The following INTS7 variants were observed in gnomAD, a reference collection of about 807,000 sequenced individuals.
The protein encoded by INTS7 is integrator complex subunit 7.
A neutral mutation model predicts 109.2 loss-of-function variants in INTS7; 46 were observed. The ratio of observed to expected loss-of-function variants is 0.42; its 90% CI spans 0.33 to 0.54. The LOEUF is 0.54. Ranked by LOEUF, INTS7 falls within the 20% of genes least tolerant of loss-of-function variation. The pLI is 0.07. For synonymous variants in INTS7, 412 were observed against 402.9 expected, an observed-to-expected ratio of 1.02 and a Z score of -0.27; for missense variants, 929 against 1,132.4, an observed-to-expected ratio of 0.82 and a Z score of 2.58.
intron 8 of INTS7, among the ~76,000 whole-genome samples, chr1:211,987,650 C>CAA (rs571207556): frequency 1.4e-5 from 2 of 144,116 alleles, no homozygotes; most frequent in Non-Finnish European, 3.1e-5. Flanking sequence ...ACATATAATT[C>CAA]AAAAAAAAAA....
At chr1:212,020,718 T>A in intron 2 of INTS7, 1 of 1,015,066 alleles carries the variant, frequency 9.9e-7, no homozygotes, top group African/African-American at 1.7e-5. Flanking sequence ...ATTCAGTGCT[T>A]ACATGTTTCA....
intron 7 of INTS7, among the ~76,000 whole-genome samples, chr1:211,994,302 C>G (rs561435247): frequency 6.6e-6 from 1 of 152,178 alleles, no homozygotes; most frequent in South Asian, 2.1e-4. Context: ...GAATTGTTTT[C>G]CCCTGCTGTA....
Position 211,977,061 on chromosome 1 carries a change from G to T in INTS7, c.1471-342C>A, listed in dbSNP as rs527942027. On this transcript the variant is annotated intron_variant, in intron 11 of 19. Coordinates refer to ENST00000366994, the MANE Select transcript of INTS7 (RefSeq NM_015434.4). ...ACGCAAAAATATGCAAAATGCAAAA[G>T]ATTACAAGTAGTATGATAAAGTTTA... 9.6e-4 allele frequency among the ~76,000 whole-genome samples: 146 copies of T among 152,058 alleles called. 8 individuals carry two copies. The highest frequency in any genetic ancestry group is 5.1e-4 in the Non-Finnish European group (35 of 68,004).
intron 7 of INTS7, among the ~76,000 whole-genome samples, chr1:212,000,802 A>G (rs927688272): frequency 5.3e-5 from 8 of 152,212 alleles, no homozygotes; most frequent in African/African-American, 1.9e-4. Context: ...ACTTTTTACC[A>G]TAATACCTAC....
chr1:211,981,516 C>G (rs541297380), intron 9 of INTS7, among the ~76,000 whole-genome samples: 7 of 152,158 alleles, frequency 4.6e-5, no homozygotes, highest in Non-Finnish European at 8.8e-5. Context: ...ATACTAAGAA[C>G]AGCAAACTAT....
intron 19 of INTS7, among the ~76,000 whole-genome samples, chr1:211,943,025 G>A (rs888350671): frequency 1.8e-4 from 28 of 152,168 alleles, no homozygotes; most frequent in Admixed American, 5.2e-4. Context: ...ACCTGTAATA[G>A]TAATGAACTG....
intron 1 of INTS7, among the ~76,000 whole-genome samples, chr1:212,022,210 T>C (rs1305907900): frequency 1.3e-5 from 2 of 152,216 alleles, no homozygotes. Flanking sequence ...TTATAAACTA[T>C]GTAGAAGAAG....
Position 212,016,971 on chromosome 1 carries a change from T to C in INTS7, c.424A>G (p.Ser142Gly). The C allele has an allele frequency of 6.2e-7, 1 of 1,602,618 alleles. No homozygotes were observed. Among genetic ancestry groups the C allele is most frequent in the East Asian group, 2.3e-5 (1 of 43,876 alleles). The change falls in exon 4 of 20, where the codon AGT (serine) becomes GGT (glycine). Residue 142 changes from serine to glycine, a missense_variant. This residue lies in a region of INTS7 where 142 missense variants were observed against 231.4 expected (regional missense o/e 0.61). Transcript: ENST00000366994. ...IIPERKNAHH[S>G]IRQSLDSHDN... ...TGTGAATCTAAACTCTGACGAATAC[T>C]ATGATGAGCATTCTTCCTCTCAGGA...
At chr1:212,033,712 A>G (rs1002732091) in intron 1 of INTS7, among the ~76,000 whole-genome samples, 2 of 152,196 alleles carry the variant, frequency 1.3e-5, no homozygotes, top group Non-Finnish European at 2.9e-5. Flanking sequence ...TAGGGATATT[A>G]GATATTATCC....
At chr1:211,957,113 T>C (rs1663399234) in intron 16 of INTS7, among the ~76,000 whole-genome samples, 1 of 152,228 alleles carries the variant, frequency 6.6e-6, no homozygotes, top group Admixed American at 6.5e-5. Flanking sequence ...TTTAATCTTA[T>C]CTGTTCTAGT....
At chr1:212,020,831 AC>A (rs1666658869) in intron 2 of INTS7, 3 of 673,858 alleles carry the variant, frequency 4.5e-6, no homozygotes, top group African/African-American at 1.9e-5. Context: ...TTCCTGAAGT[AC>A]ACAGTAAAAT....
At chr1:211,999,326 T>C (rs1280251314) in intron 7 of INTS7, among the ~76,000 whole-genome samples, 1 of 152,110 alleles carries the variant, frequency 6.6e-6, no homozygotes, top group Non-Finnish European at 1.5e-5. Flanking sequence ...CATGGATAAA[T>C]ATTAAAAGTA....
At chr1:211,968,359 C>G (rs1338077613) in intron 14 of INTS7, among the ~76,000 whole-genome samples, 154 bp downstream of exon 14, 1 of 152,202 alleles carries the variant, frequency 6.6e-6, no homozygotes, top group Non-Finnish European at 1.5e-5. Context: ...TCTAATAACA[C>G]ATCAGCCTAT....
chr1:212,021,672 T>C (rs1571914506), intron 1 of INTS7, among the ~76,000 whole-genome samples: 2 of 141,460 alleles, frequency 1.4e-5, no homozygotes, highest in African/African-American at 2.7e-5. Context: ...CAGTCAGACC[T>C]CATCTCTTAA....
intron 8 of INTS7, among the ~76,000 whole-genome samples, chr1:211,984,710 C>T (rs1007053164): frequency 7.9e-5 from 12 of 152,154 alleles, no homozygotes; most frequent in African/African-American, 2.7e-4. Flanking sequence ...TTTCCTCCCC[C>T]ACCCAATGTT....
At chr1:212,028,669 C>T (rs1194524311) in intron 1 of INTS7, among the ~76,000 whole-genome samples, 6 of 151,996 alleles carry the variant, frequency 3.9e-5, no homozygotes, top group Non-Finnish European at 8.8e-5. Flanking sequence ...GGTGAAATAC[C>T]GAGGTCTGAA....
At chr1:211,961,192 C>A (rs977284465) in intron 16 of INTS7, among the ~76,000 whole-genome samples, 1 of 151,862 alleles carries the variant, frequency 6.6e-6, no homozygotes, top group Non-Finnish European at 1.5e-5. Flanking sequence ...ACTTCCCCAA[C>A]CTAGAAAAAG....
intron 19 of INTS7, among the ~76,000 whole-genome samples, chr1:211,944,404 C>T (rs2102376823): frequency 6.6e-6 from 1 of 152,294 alleles, no homozygotes; most frequent in Non-Finnish European, 1.5e-5. Flanking sequence ...CCTGAGTCCT[C>T]TGTGCCCTGC....
At chr1:212,018,873 T>C (rs2102488027) in intron 3 of INTS7, among the ~76,000 whole-genome samples, 1 of 152,340 alleles carries the variant, frequency 6.6e-6, no homozygotes, top group Middle Eastern at 3.4e-3. Context: ...TCTATATACA[T>C]ATATTCACCA....
Sources: gnomAD v4.1 joint callset for allele counts (sites outside exome capture counted in the v4.1 genomes callset) on GRCh38, gnomAD v4.1.1 for gene constraint, gnomAD v4.1.1 regional missense constraint, MANE v1.5 for transcripts, NCBI Gene and HGNC (gene_info 2026-07-23, HGNC 2026-07-21) for gene names.